Variants in HPSE2 observed in about 807,000 individuals in gnomAD.
The protein encoded by HPSE2 is heparanase 2 (inactive).
In HPSE2, 38 loss-of-function variants were observed where a neutral mutation model predicts 60.5. The ratio of observed to expected loss-of-function variants is 0.63; its 90% CI spans 0.48 to 0.82. The LOEUF (loss-of-function observed/expected upper bound fraction) is 0.82, where lower values mean the gene tolerates loss of function less well. Ranked by LOEUF, HPSE2 falls within the 40% of genes least tolerant of loss-of-function variation. The pLI is 0.00. For synonymous variants in HPSE2, 295 were observed against 293.2 expected (o/e 1.01, Z -0.06); for missense variants, 713 against 740.4 (o/e 0.96, Z 0.43).
chr10:98,880,743 A>T (rs374088990), intron 3 of HPSE2, among the ~76,000 whole-genome samples: 12 of 152,224 alleles, frequency 7.9e-5, no homozygotes, highest in African/African-American at 2.6e-4. Context: ...GAAGATGAGA[A>T]GGAGACTTAT....
At chr10:99,056,885 C>A (rs1958126933) in intron 3 of HPSE2, among the ~76,000 whole-genome samples, 1 of 152,066 alleles carries the variant, frequency 6.6e-6, no homozygotes, top group African/African-American at 2.4e-5. Context: ...GATATTCATA[C>A]AATGGAAAAC....
At chr10:99,308,703 T>C in the HPSE2 span, among the ~76,000 whole-genome samples, 1 of 152,180 alleles carries the variant, frequency 6.6e-6, no homozygotes, top group Non-Finnish European at 1.5e-5. Flanking sequence ...ATTCATAGAA[T>C]TCTGTTTTTA....
At chr10:98,891,997 C>T (rs1393121936) in intron 3 of HPSE2, among the ~76,000 whole-genome samples, 2 of 151,984 alleles carry the variant, frequency 1.3e-5, no homozygotes, top group Non-Finnish European at 2.9e-5. Context: ...ACTCGAACTC[C>T]TGGGCTCAAG....
intron 3 of HPSE2, among the ~76,000 whole-genome samples, chr10:99,093,100 T>G (rs1421726041): frequency 2.6e-5 from 4 of 152,044 alleles, no homozygotes; most frequent in African/African-American, 9.7e-5. Flanking sequence ...TGGTGGTGTG[T>G]GCCTGTAGTC....
At chr10:98,559,381 T>G (rs1944106181) in intron 9 of HPSE2, among the ~76,000 whole-genome samples, 4 of 152,096 alleles carry the variant, frequency 2.6e-5, no homozygotes, top group Admixed American at 2.6e-4. Flanking sequence ...AGCTCACTTT[T>G]TGCCCTGTGT....
At chr10:99,158,726 C>A in intron 2 of HPSE2, among the ~76,000 whole-genome samples, 1 of 149,164 alleles carries the variant, frequency 6.7e-6, no homozygotes, top group South Asian at 2.1e-4. Context: ...TGCACATGTA[C>A]CCTAAAACTT....
chr10:98,621,241 G>A (rs1946066155), intron 7 of HPSE2, among the ~76,000 whole-genome samples: 1 of 151,938 alleles, frequency 6.6e-6, no homozygotes, highest in African/African-American at 2.4e-5. Flanking sequence ...CTGCAGTAAG[G>A]GTAAAAAGAA....
At position 98,459,223 on chromosome 10, in the gene HPSE2, T is replaced by C. The variant is rs940719446; in HGVS notation, c.*351A>G. ...CTAAGGTTTGGATTTGTGGTTATAA[T>C]GCTGTGTGACAGGATCATGGGGAGT... On this transcript the variant is annotated 3_prime_UTR_variant, in exon 12 of 12. Coordinates refer to ENST00000370552, the MANE Select transcript of HPSE2 (RefSeq NM_021828.5). The C allele has an allele frequency of 2.1e-5, 7 of 333,902 alleles. No individual in the cohort carries two copies. The highest frequency in any genetic ancestry group is 4.2e-5 in the African/African-American group (2 of 47,096). The allele number at this position is 333,902 out of a possible 1,614,324, so 20.7% of individuals were successfully genotyped here. A position where few individuals can be genotyped will look rare whatever the true frequency, so the allele number is the denominator to read the frequency against.
At chr10:99,274,474 C>T in the HPSE2 span, among the ~76,000 whole-genome samples, 1 of 152,058 alleles carries the variant, frequency 6.6e-6, no homozygotes, top group South Asian at 2.1e-4. Context: ...TTTTAAGACT[C>T]AGTTTTCATA....
chr10:98,977,660 T>C (rs1956115439), intron 3 of HPSE2, among the ~76,000 whole-genome samples: 2 of 152,126 alleles, frequency 1.3e-5, no homozygotes, highest in Admixed American at 1.3e-4. Flanking sequence ...ACAGGGGTGA[T>C]ATAAACACTG....
At chr10:98,593,203 G>A (rs571226185) in intron 9 of HPSE2, among the ~76,000 whole-genome samples, 1 of 152,242 alleles carries the variant, frequency 6.6e-6, no homozygotes, top group Admixed American at 6.5e-5. Flanking sequence ...TATAATCAAA[G>A]TGCTATGAAA....
chr10:99,138,151 C>A (rs937783779), intron 3 of HPSE2, among the ~76,000 whole-genome samples: 3 of 152,224 alleles, frequency 2.0e-5, no homozygotes, highest in Admixed American at 6.5e-5. Context: ...TGCTCATCAT[C>A]ACTGGTCATT....
intron 5 of HPSE2, among the ~76,000 whole-genome samples, chr10:98,697,353 T>C (rs1352831592): frequency 6.6e-6 from 1 of 152,054 alleles, no homozygotes; most frequent in Admixed American, 6.5e-5. Context: ...GAGAACGTTG[T>C]GAAGTATACA....
chr10:98,959,242 T>C (rs1479928080), intron 3 of HPSE2, among the ~76,000 whole-genome samples: 1 of 151,870 alleles, frequency 6.6e-6, no homozygotes, highest in African/African-American at 2.4e-5. Flanking sequence ...ATTCTTAACA[T>C]TCCTAAAGCT....
At chr10:98,887,489 C>T (rs955618289) in intron 3 of HPSE2, among the ~76,000 whole-genome samples, 1 of 152,076 alleles carries the variant, frequency 6.6e-6, no homozygotes, top group Non-Finnish European at 1.5e-5. Flanking sequence ...AATGAGGAAG[C>T]AAGAAGGGTA....
chr10:98,697,638 A>C lies in HPSE2; in HGVS notation c.957-3691T>G, dbSNP rs149682112. On this transcript the variant is annotated intron_variant, in intron 5 of 11. Transcript: ENST00000370552. ...ACCTAGCAAGATAGGCCAACATTCAAATTCAGGAAATACAGAGAACCGCAC... is the reference window on the plus strand; with the variant it reads ...ACCTAGCAAGATAGGCCAACATTCACATTCAGGAAATACAGAGAACCGCAC... 9.5e-3 allele frequency among the ~76,000 whole-genome samples: 1,446 copies of C among 152,298 alleles called. 16 individuals carry two copies. Among genetic ancestry groups the C allele is most frequent in the Non-Finnish European group, 0.014 (947 of 68,034 alleles).
intron 3 of HPSE2, among the ~76,000 whole-genome samples, chr10:98,753,239 A>T (rs1949800171): frequency 6.6e-6 from 1 of 152,222 alleles, no homozygotes; most frequent in South Asian, 2.1e-4. Flanking sequence ...GTGAGAAAAA[A>T]AGTCAGGTAA....
the HPSE2 span, among the ~76,000 whole-genome samples, chr10:99,292,795 A>T: frequency 6.6e-6 from 1 of 152,040 alleles, no homozygotes; most frequent in Non-Finnish European, 1.5e-5. Flanking sequence ...TGCACATCTC[A>T]ATTTGCTCTA....
At chr10:98,644,640 T>C (rs1946720402) in intron 6 of HPSE2, among the ~76,000 whole-genome samples, 1 of 152,222 alleles carries the variant, frequency 6.6e-6, no homozygotes, top group Non-Finnish European at 1.5e-5. Context: ...TGTCATACAC[T>C]ACTAGGACTG....
Sources: gnomAD v4.1 joint callset for allele counts (sites outside exome capture counted in the v4.1 genomes callset) on GRCh38, gnomAD v4.1.1 for gene constraint, MANE v1.5 for transcripts, NCBI Gene and HGNC (gene_info 2026-07-23, HGNC 2026-07-21) for gene names.